The following ADAM12 variants were observed in gnomAD, a reference collection of about 807,000 sequenced individuals.
The protein encoded by ADAM12 is disintegrin and metalloproteinase domain-containing protein 12.
Under a neutral mutation model 106.4 loss-of-function variants are expected in ADAM12, and 70 were observed. The observed-to-expected ratio is 0.66, with a 90% CI of 0.54 to 0.80. The LOEUF is 0.80. ADAM12 is among the 30% of genes least tolerant of loss of function. The pLI is 0.00. For synonymous variants in ADAM12, 420 were observed against 433.5 expected, an observed-to-expected ratio of 0.97 and a Z score of 0.39; for missense variants, 1,010 against 1,171.9, an observed-to-expected ratio of 0.86 and a Z score of 2.02.
intron 2 of ADAM12, among the ~76,000 whole-genome samples, chr10:126,292,009 A>C (rs1225032389): frequency 6.6e-6 from 1 of 152,036 alleles, no homozygotes; most frequent in African/African-American, 2.4e-5. Flanking sequence ...ACATTAGAAA[A>C]ATCAGCCAGT....
At chr10:126,065,028 C>T (rs1356260681) in intron 13 of ADAM12, 27 bp from the exon 14 acceptor site, 1 of 1,587,224 alleles carries the variant, frequency 6.3e-7, no homozygotes, top group African/African-American at 1.3e-5. Flanking sequence ...ATTTATGACA[C>T]ATGCACCCGG....
chr10:126,049,498 C>A lies in ADAM12; in HGVS notation c.1719-47G>T. ...ATTCCCAAGGAGAAACCATTTGGAA[C>A]CAACCCTATGCAATGTGGGAAGGTC... On this transcript the variant is annotated intron_variant, in intron 15 of 22. Transcript: ENST00000448723. The surrounding 1 kb of genome is among the most constrained non-coding windows in gnomAD (Gnocchi z 4.4). 1.2e-6 allele frequency: 2 copies of A among 1,613,772 alleles called. No homozygotes were observed. The highest frequency in any genetic ancestry group is 2.2e-5 in the South Asian group (2 of 91,074).
Position 126,169,775 on chromosome 10 carries a change from A to T in ADAM12, c.261-14470T>A, listed in dbSNP as rs182665357. On this transcript the variant is annotated intron_variant, in intron 3 of 22. Transcript: ENST00000448723. ...TGGCATTTCCTTAACTTCCAGAATT[A>T]AAAAAAAGTTCAGCCGACTTATTTG... 7.5e-4 allele frequency among the ~76,000 whole-genome samples: 114 copies of T among 152,150 alleles called. 2 individuals are homozygous for T. The highest frequency in any genetic ancestry group is 6.8e-3 in the Middle Eastern group (2 of 294).
intron 6 of ADAM12, 74 bp from the exon 7 acceptor site, chr10:126,109,914 TA>T: frequency 7.0e-7 from 1 of 1,437,666 alleles, no homozygotes; most frequent in Non-Finnish European, 9.6e-7. Context: ...TCTCTCAATC[TA>T]AACACTTTAG....
chr10:126,038,788 G>T (rs939335895), intron 19 of ADAM12, among the ~76,000 whole-genome samples: 44 of 152,072 alleles, frequency 2.9e-4, no homozygotes, highest in African/African-American at 9.9e-4. Flanking sequence ...GCAGCACATT[G>T]TTGTTTGAAG....
chr10:126,036,202 C>T lies in ADAM12; in HGVS notation c.2473G>A (p.Ala825Thr). 2 of 1,544,888 alleles carry T rather than the reference C, an allele frequency of 1.3e-6. No individual in the cohort carries two copies. The highest frequency in any genetic ancestry group is 1.7e-6 in the Non-Finnish European group (2 of 1,151,228). Residue 825 changes from alanine (A) to threonine (T), a missense_variant, in exon 21 of 23, where the codon GCA becomes ACA. By Grantham distance (58) the Ala-to-Thr change is moderately conservative. This residue lies in a region of ADAM12 where 615 missense variants were observed against 708.5 expected (regional missense o/e 0.87). Coordinates refer to ENST00000448723, the MANE Select transcript of ADAM12 (RefSeq NM_001288973.2). ...AGGGGTCTGGCAGGGACGCTAGGTGCACGTGGAGCCCGGTGGAGGGGAGGA... is the reference window on the plus strand; with the variant it reads ...AGGGGTCTGGCAGGGACGCTAGGTGTACGTGGAGCCCGGTGGAGGGGAGGA... ...VLPPLHRAPR[A>T]PSVPARPLPA...
chr10:126,281,463 CCA>C, intron 2 of ADAM12, among the ~76,000 whole-genome samples: 1 of 152,278 alleles, frequency 6.6e-6, no homozygotes, highest in East Asian at 1.9e-4. Context: ...TGTAGTAATT[CCA>C]CATAAAGTAC....
Position 126,063,218 on chromosome 10 carries a change from C to T in ADAM12, c.1609+1588G>A, listed in dbSNP as rs866561153. On this transcript the variant is annotated intron_variant, in intron 14 of 22. Transcript: ENST00000448723. ...CCCTGAGTGCTGAGGAGCATCAGAA[C>T]AACTCCTCAGAGGCCGAGCTAAAGA... 3.3e-5 allele frequency among the ~76,000 whole-genome samples: 5 copies of T among 152,318 alleles called. No homozygotes were observed. In the Middle Eastern group the frequency reaches 0.014, roughly 414 times the overall value.
chr10:126,303,269 C>A (rs997340804), intron 2 of ADAM12, among the ~76,000 whole-genome samples: 1 of 152,198 alleles, frequency 6.6e-6, no homozygotes, highest in African/African-American at 2.4e-5. Context: ...ATGTATATCA[C>A]CAATGTAACA....
At chr10:126,103,444 G>A (rs1565059269) in intron 8 of ADAM12, among the ~76,000 whole-genome samples, 1 of 152,198 alleles carries the variant, frequency 6.6e-6, no homozygotes, top group Non-Finnish European at 1.5e-5. Context: ...TGCCACGGTG[G>A]TTTCTGTGCT....
chr10:126,108,186 C>T (rs1048533719), intron 8 of ADAM12, among the ~76,000 whole-genome samples: 1 of 152,160 alleles, frequency 6.6e-6, no homozygotes, highest in Non-Finnish European at 1.5e-5. Flanking sequence ...TACATTGGTA[C>T]AGGCCTGCAA....
intron 3 of ADAM12, among the ~76,000 whole-genome samples, chr10:126,249,996 C>T (rs2133679430): frequency 6.6e-6 from 1 of 152,284 alleles, no homozygotes; most frequent in Non-Finnish European, 1.5e-5. Flanking sequence ...CACTGATAAA[C>T]ACTGGCTAGA....
chr10:126,056,709 T>C lies in ADAM12; in HGVS notation c.1610-7040A>G, dbSNP rs934640782. Among the ~76,000 whole-genome samples, 2 of 34,040 alleles carry C rather than the reference T, an allele frequency of 5.9e-5. 1 individual carries two copies. The highest frequency in any genetic ancestry group is 1.4e-4 in the Non-Finnish European group (2 of 14,246). 22.3% of individuals were successfully genotyped at this position (34,040 alleles called of 152,430 possible). A position where few individuals can be genotyped will look rare whatever the true frequency, so the allele number is the denominator to read the frequency against. On this transcript the variant is annotated intron_variant, in intron 14 of 22. Coordinates refer to ENST00000448723, the MANE Select transcript of ADAM12 (RefSeq NM_001288973.2). ...GAGTGAGAATATGCGGTGTTTGGTT[T>C]TTTGTTCTTGCGATAGTTTACTGAG...
intron 2 of ADAM12, among the ~76,000 whole-genome samples, chr10:126,297,885 T>C (rs1960453127): frequency 6.6e-6 from 1 of 151,708 alleles, no homozygotes; most frequent in African/African-American, 2.4e-5. Flanking sequence ...CCAAAAAACC[T>C]CACCAGAACT....
At chr10:126,344,986 C>T (rs10901599) in intron 1 of ADAM12, among the ~76,000 whole-genome samples, 104,532 of 151,964 alleles carry the variant, frequency 0.69, 36,233 homozygotes, top group African/African-American at 0.75. Context: ...CAATTTGACT[C>T]CCTCTTTTCC....
intron 2 of ADAM12, among the ~76,000 whole-genome samples, chr10:126,311,946 A>C (rs1373254374): frequency 6.6e-6 from 1 of 152,132 alleles, no homozygotes; most frequent in Non-Finnish European, 1.5e-5. Flanking sequence ...CTTCACTTGT[A>C]GCCAAGTCAG....
chr10:126,212,266 C>A (rs1957916751), intron 3 of ADAM12, among the ~76,000 whole-genome samples: 1 of 152,106 alleles, frequency 6.6e-6, no homozygotes, highest in South Asian at 2.1e-4. Flanking sequence ...GAGTATGGTG[C>A]CCATATTGAA....
At chr10:126,077,309 G>A (rs982321968) in intron 11 of ADAM12, among the ~76,000 whole-genome samples, 3 of 152,110 alleles carry the variant, frequency 2.0e-5, no homozygotes, top group African/African-American at 7.2e-5. Flanking sequence ...AATCAATATT[G>A]TTAACATGTT....
chr10:126,224,786 G>C (rs769609613), intron 3 of ADAM12, among the ~76,000 whole-genome samples: 2 of 152,250 alleles, frequency 1.3e-5, no homozygotes, highest in Non-Finnish European at 2.9e-5. Context: ...AAGTGAGCAG[G>C]AAGGGACACA....
Sources: allele counts gnomAD v4.1 joint callset (sites outside exome capture counted in the v4.1 genomes callset), GRCh38; gene constraint gnomAD v4.1.1; regional missense constraint gnomAD v4.1.1; non-coding constraint Gnocchi (gnomAD v3.1); transcripts MANE v1.5; gene names NCBI Gene and HGNC (gene_info 2026-07-23, HGNC 2026-07-21).